NCAPH2: variants seen among roughly 807,000 people sequenced by gnomAD.
NCAPH2 encodes non-SMC condensin II complex subunit H2.
Under a neutral mutation model 88.6 loss-of-function variants are expected in NCAPH2, and 56 were observed. The ratio of observed to expected loss-of-function variants is 0.63; its 90% CI spans 0.51 to 0.79. NCAPH2 has a LOEUF of 0.79. Ranked by LOEUF, NCAPH2 falls within the 30% of genes least tolerant of loss-of-function variation. NCAPH2 has a pLI of 0.00. For synonymous variants in NCAPH2, 378 were observed against 313.6 expected, an observed-to-expected ratio of 1.21 and a Z score of -2.17; for missense variants, 794 against 792.0, an observed-to-expected ratio of 1.00 and a Z score of -0.03.
chr22:50,523,525 T>C lies in NCAPH2; in HGVS notation c.*150T>C. Reference sequence around the variant, plus strand: ...CACCTGCGCAGAGAAGAGGGCTGCCTGGCCTCCCTGGGCCGCTGGTACAGA... The same window carrying C: ...CACCTGCGCAGAGAAGAGGGCTGCCCGGCCTCCCTGGGCCGCTGGTACAGA... On this transcript the variant is annotated 3_prime_UTR_variant, in exon 20 of 20. Transcript: ENST00000420993. 5 of 1,564,172 alleles carry C rather than the reference T, an allele frequency of 3.2e-6. No individual in the cohort carries two copies. The highest frequency in any genetic ancestry group is 3.5e-6 in the Non-Finnish European group (4 of 1,150,386).
At chr22:50,519,931 T>C (rs560332721) in intron 9 of NCAPH2, among the ~76,000 whole-genome samples, 6 of 151,986 alleles carry the variant, frequency 3.9e-5, no homozygotes, top group African/African-American at 1.2e-4. Flanking sequence ...AGTGCAGTGG[T>C]GCGATCTTGG....
chr22:50,511,808 G>C (rs2148656522), intron 1 of NCAPH2, among the ~76,000 whole-genome samples: 2 of 151,434 alleles, frequency 1.3e-5, no homozygotes, highest in East Asian at 3.9e-4. Context: ...ACCACGCCTG[G>C]CTAATTTTTT....
chr22:50,518,027 GAGA>G lies in NCAPH2; in HGVS notation c.480_482del (p.Lys160del), dbSNP rs763179719. The stretch of plus-strand genomic sequence containing the variant: ...GGCCCTGGTGGCCCCTGATGAAATG[GAGA>G]AGAACAACAATCCCCTGTACAGGTA... On this transcript the variant is annotated inframe_deletion, in exon 6 of 20. Transcript: ENST00000420993. 7 of 1,613,958 alleles carry G rather than the reference GAGA, an allele frequency of 4.3e-6. No individual in the cohort carries two copies. In the Admixed American group the frequency reaches 5.0e-5, roughly 12 times the overall value.
chr22:50,522,118 T>G, intron 13 of NCAPH2, 63 bp from the exon 14 acceptor site: 1 of 1,612,310 alleles, frequency 6.2e-7, no homozygotes. Context: ...ACCCAAAGCC[T>G]TGGGTGGACT....
Position 50,522,881 on chromosome 22 carries a change from A to C in NCAPH2, c.1486A>C (p.Arg496=). 6.2e-7 allele frequency: 1 copy of C among 1,613,394 alleles called. No homozygotes were observed. Among genetic ancestry groups the C allele is most frequent in the Non-Finnish European group, 8.5e-7 (1 of 1,179,978 alleles). Residue 496 remains arginine (R), a synonymous_variant, in exon 18 of 20, where the codon AGG becomes CGG. Coordinates refer to ENST00000420993, the MANE Select transcript of NCAPH2 (RefSeq NM_152299.4). ...GGAGACAGAGCTGAGCCAGCGCATC[A>C]GGGACTGGGAGGACACAGTGCAGCC... The part of the protein sequence containing the change: ...VQETELSQRI[R]DWEDTVQPLL...
intron 1 of NCAPH2, 51 bp from the exon 2 acceptor site, chr22:50,516,396 G>A (rs531094948): frequency 2.7e-5 from 43 of 1,565,766 alleles, no homozygotes; most frequent in Admixed American, 2.5e-4. Flanking sequence ...TGGAAGAAGC[G>A]AGTGCAGACT....
chr22:50,523,812 C>T lies in NCAPH2; in HGVS notation c.*437C>T, dbSNP rs1308401413. The T allele has an allele frequency of 6.2e-7, 1 of 1,614,006 alleles. No homozygotes were observed. The highest frequency in any genetic ancestry group is 8.5e-7 in the Non-Finnish European group (1 of 1,180,040). On this transcript the variant is annotated 3_prime_UTR_variant, in exon 20 of 20. Coordinates refer to ENST00000420993, the MANE Select transcript of NCAPH2 (RefSeq NM_152299.4). The stretch of plus-strand genomic sequence containing the variant: ...AGTACACGCGGTAACTGTGACTAGC[C>T]TGGGCAACCTGTTTGGTGGAGCCGG...
intron 9 of NCAPH2, chr22:50,520,719 C>G (rs112195779): frequency 2.1e-6 from 1 of 465,586 alleles, no homozygotes; most frequent in Non-Finnish European, 3.9e-6. Flanking sequence ...CCACCACACC[C>G]GGCTAATTTT....
rs147275808 is a variant in NCAPH2 at position 50,518,138 on chromosome 22, A to G, written c.506A>G (p.Gln169Arg). ...EKNNNPLYSRQGEVLASRKDF... is the reference protein window; with the variant it reads ...EKNNNPLYSRRGEVLASRKDF... Reference sequence around the variant, plus strand: ...GCGTGTTTTTGCCAGCACAGCCGTCAGGGTGAGGTCCTGGCCAGCCGGAAG... The same window carrying G: ...GCGTGTTTTTGCCAGCACAGCCGTCGGGGTGAGGTCCTGGCCAGCCGGAAG... Residue 169 changes from glutamine to arginine, a missense_variant, in exon 7 of 20, where the codon CAG (glutamine) becomes CGG (arginine). Around this residue, in one of 2 missense-constraint regions of NCAPH2, gnomAD observed 735 missense variants for 696.3 expected, o/e 1.06. Coordinates refer to ENST00000420993, the MANE Select transcript of NCAPH2 (RefSeq NM_152299.4). 34 of 1,613,916 alleles carry G rather than the reference A, an allele frequency of 2.1e-5. No homozygotes were observed. The African/African-American group carries it at 2.8e-4, about 13-fold the overall frequency.
Position 50,524,577 on chromosome 22 carries a change from T to G in NCAPH2, c.*1202T>G, listed in dbSNP as rs2069248070. 5 of 743,228 alleles carry G rather than the reference T, an allele frequency of 6.7e-6. No homozygotes were observed. The highest frequency in any genetic ancestry group is 1.5e-5 in the South Asian group (1 of 67,282). The allele number at this position is 743,228 out of a possible 1,614,324, so 46.0% of individuals were successfully genotyped here. A position where few individuals can be genotyped will look rare whatever the true frequency, so the allele number is the denominator to read the frequency against. On this transcript the variant is annotated 3_prime_UTR_variant, in exon 20 of 20. Coordinates refer to ENST00000420993, the MANE Select transcript of NCAPH2 (RefSeq NM_152299.4). ...GCAGCTGCTCACCTGAGCTCAGAAC[T>G]CCACCTCCACCAAACATCCACACCT...
chr22:50,519,639 T>G, intron 9 of NCAPH2: 1 of 1,181,612 alleles, frequency 8.5e-7, no homozygotes, highest in Non-Finnish European at 1.0e-6. Context: ...GTCGGGCTGG[T>G]AGGAGGGAGT....
At chr22:50,508,481 G>A (rs1321861741) in intron 1 of NCAPH2, 36 bp downstream of exon 1, 2 of 1,206,392 alleles carry the variant, frequency 1.7e-6, no homozygotes, top group Non-Finnish European at 2.2e-6. Flanking sequence ...GGGTGGGCCG[G>A]CGGGTGGGGC....
intron 1 of NCAPH2, 115 bp downstream of exon 1, chr22:50,508,560 G>A: frequency 2.9e-6 from 2 of 700,834 alleles, no homozygotes; most frequent in Non-Finnish European, 2.1e-6. Flanking sequence ...GCTATCTGGC[G>A]CTCTGGCCGC....
At chr22:50,515,879 G>C in intron 1 of NCAPH2, 1 of 1,044,746 alleles carries the variant, frequency 9.6e-7, no homozygotes, top group Non-Finnish European at 1.3e-6. Context: ...GGTTGGGTTT[G>C]GGGCTCATTG....
At position 50,523,646 on chromosome 22, in the gene NCAPH2, G is replaced by A. The variant is rs374528231; in HGVS notation, c.*271G>A. The A allele has an allele frequency of 8.1e-6, 13 of 1,613,744 alleles. No individual in the cohort carries two copies. The highest frequency in any genetic ancestry group is 2.2e-5 in the East Asian group (1 of 44,896). ...ACACTGCGGAAAGCCGCCATGTGCC[G>A]CCGCACACTGTCTGAGATCTGCTCA... On this transcript the variant is annotated 3_prime_UTR_variant, in exon 20 of 20. Coordinates refer to ENST00000420993, the MANE Select transcript of NCAPH2 (RefSeq NM_152299.4).
rs1341551372 is a variant in NCAPH2, at chr22:50,517,770, C to A, written c.381C>A (p.Ser127=). The A allele has an allele frequency of 2.5e-6, 4 of 1,613,886 alleles. No homozygotes were observed. The highest frequency in any genetic ancestry group is 3.4e-6 in the Non-Finnish European group (4 of 1,180,050). The part of the protein sequence containing the change: ...EFLSLDDFPD[S]RTNVDLKNDQ... ...TGTCGCTGGATGACTTCCCTGACTCCCGGACTAACGTGGATCTCAAGAATG... is the reference window on the plus strand; with the variant it reads ...TGTCGCTGGATGACTTCCCTGACTCACGGACTAACGTGGATCTCAAGAATG... The change falls in exon 5 of 20, where the codon TCC becomes TCA. Residue 127 remains serine (S), a synonymous_variant. Transcript: ENST00000420993.
At chr22:50,519,033 C>CACAGGAGCACGAT (rs764888865) in intron 8 of NCAPH2, among the ~76,000 whole-genome samples, 157 bp from the exon 9 acceptor site, 2 of 152,072 alleles carry the variant, frequency 1.3e-5, no homozygotes, top group African/African-American at 4.8e-5. Context: ...AAGCAGAGCA[C>CACAGGAGCACGAT]AGAGCACAGG....
chr22:50,521,754 T>C lies in NCAPH2; in HGVS notation c.1014T>C (p.Ser338=), dbSNP rs2069106206. ...SKPFKKGRPY[S]VPPCVEEALG... ...GTTTGCCCCCAGGTAGGCCTTACTC[T>C]GTGCCCCCCTGTGTGGAGGAGGCTC... is the stretch of plus-strand genomic sequence containing the variant. Residue 338 remains serine (S), a synonymous_variant, in exon 12 of 20, where the codon TCT becomes TCC. Transcript: ENST00000420993. 6.2e-7 allele frequency: 1 copy of C among 1,613,842 alleles called. No individual in the cohort carries two copies. Among genetic ancestry groups the C allele is most frequent in the African/African-American group, 1.3e-5 (1 of 74,930 alleles).
At position 50,522,572 on chromosome 22, in the gene NCAPH2, A is replaced by T. The variant is rs2069138887; in HGVS notation, c.1375+3A>T. The T allele has an allele frequency of 6.2e-7, 1 of 1,613,668 alleles. No individual in the cohort carries two copies. Among genetic ancestry groups the T allele is most frequent in the Non-Finnish European group, 8.5e-7 (1 of 1,179,954 alleles). On this transcript the variant is annotated splice_donor_region_variant and intron_variant, in intron 16 of 19. Transcript: ENST00000420993. ...CCCCAGGGAAGCCGCTGACCTTGGT[A>T]GGTGGGCAGCGGGCTAGGAGTGCTG...
Sources: gnomAD v4.1 joint callset for allele counts (sites outside exome capture counted in the v4.1 genomes callset) on GRCh38, gnomAD v4.1.1 for gene constraint, gnomAD v4.1.1 regional missense constraint, MANE v1.5 for transcripts, NCBI Gene and HGNC (gene_info 2026-07-23, HGNC 2026-07-21) for gene names.